The following MARK2 variants were observed in gnomAD, a reference collection of about 807,000 sequenced individuals.
MARK2 encodes microtubule affinity regulating kinase 2.
MARK2 carries 16 observed loss-of-function variants against 89.8 expected under a neutral mutation model. The observed-to-expected ratio is 0.18, with a 90% confidence interval of 0.12 to 0.27. The LOEUF is 0.27. Ranked by LOEUF, MARK2 falls within the 10% of genes least tolerant of loss-of-function variation. The probability of loss-of-function intolerance (pLI) is 1.00; values close to 1 mark genes in which losing one functional copy is unlikely to be tolerated. For synonymous variants in MARK2, 382 were observed against 399.5 expected (o/e 0.96, Z 0.52); for missense variants, 621 against 1,049.9 (o/e 0.59, Z 5.65).
Position 63,878,359 on chromosome 11 carries a change from CTTTTTTT to C in MARK2, c.55-16781_55-16775del, listed in dbSNP as rs59251368. 4.1e-5 allele frequency among the ~76,000 whole-genome samples: 3 copies of C among 72,712 alleles called. No homozygotes were observed. The Admixed American group carries it at 6.1e-4, about 15-fold the overall frequency. The allele number at this position is 72,712 out of a possible 152,430, so 47.7% of individuals were successfully genotyped here. A position where few individuals can be genotyped will look rare whatever the true frequency, so the allele number is the denominator to read the frequency against. On this transcript the variant is annotated intron_variant, in intron 1 of 18. Transcript: ENST00000402010. ...TGCTTTGAAGCTCTCTTGTTCAAGT[CTTTTTTT>C]TTTTTTTTTTTTTTTTTTGAGACAG...
intron 3 of MARK2, among the ~76,000 whole-genome samples, chr11:63,896,282 A>C (rs948354348): frequency 6.6e-6 from 1 of 152,198 alleles, no homozygotes; most frequent in South Asian, 2.1e-4. Flanking sequence ...ATGCAAAAAC[A>C]CATGTTTGTA....
intron 1 of MARK2, among the ~76,000 whole-genome samples, chr11:63,849,041 G>C (rs1480665478): frequency 2.6e-5 from 4 of 152,094 alleles, no homozygotes; most frequent in Non-Finnish European, 5.9e-5. Context: ...GTCTCACCCT[G>C]TCACCCAGGC....
chr11:63,894,733 A>G lies in MARK2; in HGVS notation c.55-426A>G, dbSNP rs77714854. Among the ~76,000 whole-genome samples the G allele has an allele frequency of 2.0e-3, 302 of 152,082 alleles. 10 individuals carry two copies. In the East Asian group the frequency reaches 0.045, roughly 23 times the overall value. ...TAAATAAAAAATAAAGGTTCATGTAAGTTTTGGGTGGCGATGAGGGCGTTG... is the reference window on the plus strand; with the variant it reads ...TAAATAAAAAATAAAGGTTCATGTAGGTTTTGGGTGGCGATGAGGGCGTTG... On this transcript the variant is annotated intron_variant, in intron 1 of 18. Coordinates refer to ENST00000402010, the MANE Select transcript of MARK2 (RefSeq NM_001039469.3).
At chr11:63,872,600 C>A (rs1329414357) in intron 1 of MARK2, among the ~76,000 whole-genome samples, 1 of 152,150 alleles carries the variant, frequency 6.6e-6, no homozygotes, top group Non-Finnish European at 1.5e-5. Context: ...GGCCATAAAC[C>A]TGCCCACCTC....
intron 3 of MARK2, 103 bp from the exon 4 acceptor site, chr11:63,898,129 C>A: frequency 1.1e-6 from 1 of 921,080 alleles, no homozygotes; most frequent in Non-Finnish European, 1.8e-6. Context: ...TTTCCCTGCC[C>A]GGTTTTGGTT....
Position 63,899,066 on chromosome 11 carries a change from G to A in MARK2, c.489G>A (p.Val163=), listed in dbSNP as rs1940652858. Residue 163 remains valine, a synonymous_variant, in exon 7 of 19, where the codon GTG becomes GTA. Transcript: ENST00000402010. The part of the protein sequence containing the change: ...RAKFRQIVSA[V]QYCHQKFIVH... ...CTTCCTTTCAGATAGTGTCTGCTGT[G>A]CAGTACTGTCACCAGAAGTTTATTG... is the stretch of plus-strand genomic sequence containing the variant. 6.2e-7 allele frequency: 1 copy of A among 1,611,998 alleles called. No individual in the cohort carries two copies. The highest frequency in any genetic ancestry group is 1.7e-4 in the Middle Eastern group (1 of 6,056).
intron 3 of MARK2, among the ~76,000 whole-genome samples, chr11:63,897,564 G>A: frequency 6.6e-6 from 1 of 152,206 alleles, no homozygotes; most frequent in East Asian, 1.9e-4. Flanking sequence ...CCCACCTCCA[G>A]TTCTCTGGCC....
At chr11:63,888,851 C>T (rs986986943) in intron 1 of MARK2, 1 of 1,311,238 alleles carries the variant, frequency 7.6e-7, no homozygotes, top group African/African-American at 1.5e-5. Flanking sequence ...GCAGCCCCCG[C>T]CCTAGGCCTG....
At chr11:63,889,106 G>A in intron 1 of MARK2, 3 of 551,684 alleles carry the variant, frequency 5.4e-6, no homozygotes, top group Non-Finnish European at 9.3e-6. Context: ...GTGTCCAGAT[G>A]TGGAAGAGGC....
chr11:63,906,653 AC>A (rs1941361014), intron 17 of MARK2, among the ~76,000 whole-genome samples: 2 of 151,580 alleles, frequency 1.3e-5, no homozygotes, highest in South Asian at 4.2e-4. Context: ...GAGCTATGTG[AC>A]CTCTTCCCCG....
At position 63,903,869 on chromosome 11, in the gene MARK2, C is replaced by T; in HGVS notation, c.1515-117C>T. ...GCATCCCGCTGCTGCCCAGGCCTGA[C>T]TTCTACCCTGCCAGAGCTCCCCAGC... On this transcript the variant is annotated intron_variant, in intron 14 of 18. Transcript: ENST00000402010. The surrounding 1 kb of genome is among the most constrained non-coding windows in gnomAD (Gnocchi z 5.1). The T allele has an allele frequency of 6.2e-6, 5 of 805,472 alleles. No homozygotes were observed. The highest frequency in any genetic ancestry group is 3.9e-6 in the Non-Finnish European group (2 of 517,294). The allele number at this position is 805,472 out of a possible 1,614,324, so 49.9% of individuals were successfully genotyped here. A position where few individuals can be genotyped will look rare whatever the true frequency, so the allele number is the denominator to read the frequency against.
In MARK2 at chr11:63,856,768, G is replaced by GGTT. The variant is rs1565100741; in HGVS notation, c.54+17208_54+17209insGTT. Among the ~76,000 whole-genome samples, 9 of 53,798 alleles carry GGTT rather than the reference G, an allele frequency of 1.7e-4. No homozygotes were observed. The East Asian group carries it at 2.7e-3, about 16-fold the overall frequency. The allele number at this position is 53,798 out of a possible 152,430, so 35.3% of individuals were successfully genotyped here. On this transcript the variant is annotated intron_variant, in intron 1 of 18. Transcript: ENST00000402010. ...TTTTTTCCATTTTTAAATTTTTCAT[G>GGTT]TTTTTTTTTTTTTTTTTTTTTTTTT... is the stretch of plus-strand genomic sequence containing the variant.
intron 1 of MARK2, among the ~76,000 whole-genome samples, chr11:63,865,938 G>A (rs1263245942): frequency 3.3e-5 from 5 of 152,090 alleles, no homozygotes; most frequent in Non-Finnish European, 7.4e-5. Context: ...GGCTTGTCTT[G>A]CTATTTTGGT....
chr11:63,889,029 T>A, intron 1 of MARK2: 1 of 1,236,164 alleles, frequency 8.1e-7, no homozygotes, highest in Admixed American at 2.0e-5. Flanking sequence ...ATCTCAAACA[T>A]AGGATCTTTA....
rs1472044216 is a variant in MARK2 at position 63,908,244 on chromosome 11, C to T, written c.1962-16C>T. The T allele has an allele frequency of 5.8e-6, 9 of 1,555,826 alleles. No individual in the cohort carries two copies. The highest frequency in any genetic ancestry group is 7.8e-6 in the Non-Finnish European group (9 of 1,148,816). ...GAGATCCCAGCACTAAACTCTCCCT[C>T]GCTCTGTTTTTTGAGGAACCTGAAT... On this transcript the variant is annotated splice_polypyrimidine_tract_variant and intron_variant, in intron 17 of 18. Coordinates refer to ENST00000402010, the MANE Select transcript of MARK2 (RefSeq NM_001039469.3).
At chr11:63,898,408 T>C in intron 4 of MARK2, 128 bp downstream of exon 4, 1 of 1,028,590 alleles carries the variant, frequency 9.7e-7, no homozygotes, top group Non-Finnish European at 1.5e-6. Context: ...CTGGGGAAGC[T>C]CAGCTCAAAA....
At chr11:63,875,257 A>G (rs1271658723) in intron 1 of MARK2, among the ~76,000 whole-genome samples, 1 of 151,594 alleles carries the variant, frequency 6.6e-6, no homozygotes, top group East Asian at 1.9e-4. Flanking sequence ...AGTACCTGGG[A>G]TTACAAGTGT....
chr11:63,900,373 A>G lies in MARK2; in HGVS notation c.769-186A>G, dbSNP rs182223046. Among the ~76,000 whole-genome samples, 1 of 152,276 alleles carries G rather than the reference A, an allele frequency of 6.6e-6. No homozygotes were observed. The highest frequency in any genetic ancestry group is 1.9e-4 in the East Asian group (1 of 5,170). On this transcript the variant is annotated intron_variant, in intron 8 of 18. Coordinates refer to ENST00000402010, the MANE Select transcript of MARK2 (RefSeq NM_001039469.3). The surrounding 1 kb of genome is among the most constrained non-coding windows in gnomAD (Gnocchi z 4.7). ...GCAGGCCTCGGACTGGTCAAGTTAG[A>G]GGGTACGAGGGTATTTGACTTCACT...
At chr11:63,867,877 G>A (rs916498237) in intron 1 of MARK2, among the ~76,000 whole-genome samples, 2 of 152,164 alleles carry the variant, frequency 1.3e-5, no homozygotes, top group Non-Finnish European at 2.9e-5. Flanking sequence ...GCCATAGACA[G>A]TAAATTGGGG....
Sources: gnomAD v4.1 joint callset for allele counts (sites outside exome capture counted in the v4.1 genomes callset) on GRCh38, gnomAD v4.1.1 for gene constraint, Gnocchi (gnomAD v3.1) non-coding constraint, MANE v1.5 for transcripts, NCBI Gene and HGNC (gene_info 2026-07-23, HGNC 2026-07-21) for gene names.